Variants in CSMD1 observed in about 807,000 individuals in gnomAD.
CSMD1 encodes CUB and Sushi multiple domains 1, also known as CUB and sushi domain-containing protein 1.
A neutral mutation model predicts 417.5 loss-of-function variants in CSMD1; 213 were observed. The observed-to-expected ratio is 0.51, with a 90% CI of 0.46 to 0.57. CSMD1 has a LOEUF of 0.57. Ranked by LOEUF, CSMD1 falls within the 20% of genes least tolerant of loss-of-function variation. The pLI is 0.00. For missense variants in CSMD1, 6,923 were observed against 4,529.7 expected (o/e 1.53, Z -15.17); for synonymous variants, 2,862 against 1,736.8 (o/e 1.65, Z -16.11).
At chr8:3,383,189 A>C (rs1810749940) in intron 18 of CSMD1, among the ~76,000 whole-genome samples, 1 of 152,244 alleles carries the variant, frequency 6.6e-6, no homozygotes, top group Non-Finnish European at 1.5e-5. Context: ...AACAAGTTAT[A>C]GATCATGGTG....
At chr8:3,083,506 T>C (rs568334979) in intron 49 of CSMD1, among the ~76,000 whole-genome samples, 162 of 148,048 alleles carry the variant, frequency 1.1e-3, no homozygotes, top group Non-Finnish European at 1.7e-3. Flanking sequence ...AGGGTCCTAT[T>C]TGCACATCAG....
Position 3,709,709 on chromosome 8 carries a change from T to TC in CSMD1, c.932-1219dup, listed in dbSNP as rs1554518392. Among the ~76,000 whole-genome samples the TC allele has an allele frequency of 1.1e-4, 14 of 129,586 alleles. No homozygotes were observed. The South Asian group carries it at 2.5e-3, about 23-fold the overall frequency. The allele number at this position is 129,586 out of a possible 152,430, so 85.0% of individuals were successfully genotyped here. On this transcript the variant is annotated intron_variant, in intron 6 of 69. Transcript: ENST00000635120. ...TTTTTTTTTTTTTTTTTTTTTTTTT[T>TC]CCCTGCTTTCTGCTTTCTGACTGGA...
intron 6 of CSMD1, among the ~76,000 whole-genome samples, chr8:3,744,585 T>A (rs1471980485): frequency 6.6e-6 from 1 of 152,208 alleles, no homozygotes; most frequent in African/African-American, 2.4e-5. Context: ...AATGTAAATG[T>A]GGATGACTGT....
intron 1 of CSMD1, among the ~76,000 whole-genome samples, chr8:4,911,473 T>G (rs945062974): frequency 2.0e-5 from 3 of 152,170 alleles, no homozygotes; most frequent in Non-Finnish European, 4.4e-5. Flanking sequence ...AGGATGTGAT[T>G]AAGGTGTGGG....
rs148169357 is a variant in CSMD1 at position 3,771,692 on chromosome 8, A to G, written c.819-17650T>C. On this transcript the variant is annotated intron_variant, in intron 5 of 69. Coordinates refer to ENST00000635120, the MANE Select transcript of CSMD1 (RefSeq NM_033225.6). ...GGAGGAAGAGAACGGAGAGGCCCCT[A>G]AAGACCTCGAGGTAAAAGCAGACAA... Among the ~76,000 whole-genome samples the G allele has an allele frequency of 4.2e-3, 647 of 152,274 alleles. 2 individuals carry two copies. Among genetic ancestry groups the G allele is most frequent in the Non-Finnish European group, 7.3e-3 (496 of 68,016 alleles).
intron 3 of CSMD1, among the ~76,000 whole-genome samples, chr8:4,042,722 G>T (rs548316794): frequency 6.8e-6 from 1 of 147,880 alleles, no homozygotes; most frequent in African/African-American, 2.5e-5. Context: ...AGAAGTGACA[G>T]AAATGACAGC....
At position 4,599,549 on chromosome 8, in the gene CSMD1, CA is replaced by C. The variant is rs940577829; in HGVS notation, c.302+37792del. Among the ~76,000 whole-genome samples, 52 of 148,818 alleles carry C rather than the reference CA, an allele frequency of 3.5e-4. No individual in the cohort carries two copies. The East Asian group carries it at 4.1e-3, about 12-fold the overall frequency. Reference sequence around the variant, plus strand: ...ACTAAGTGCACAATATATAAAATTACAAAAAAAAATCTCATTGATAAGTTAC... The same window carrying C: ...ACTAAGTGCACAATATATAAAATTACAAAAAAAATCTCATTGATAAGTTAC... On this transcript the variant is annotated intron_variant, in intron 2 of 69. Transcript: ENST00000635120.
intron 5 of CSMD1, among the ~76,000 whole-genome samples, chr8:3,898,138 G>A (rs1584930917): frequency 6.6e-6 from 1 of 152,272 alleles, no homozygotes; most frequent in Non-Finnish European, 1.5e-5. Context: ...TCTACCAGCT[G>A]AGTCAAAGTG....
rs1801342135 is a variant in CSMD1 at position 4,102,230 on chromosome 8, C to T, written c.416-70131G>A. On this transcript the variant is annotated intron_variant, in intron 3 of 69. Coordinates refer to ENST00000635120, the MANE Select transcript of CSMD1 (RefSeq NM_033225.6). ...GTAATTTAGGACTCATGCCCCTTGC[C>T]CTTCTGTAATGTTTTGTTTTTAGAT... is the stretch of plus-strand genomic sequence containing the variant. Among the ~76,000 whole-genome samples the T allele has an allele frequency of 2.0e-5, 3 of 152,122 alleles. No individual in the cohort carries two copies. In the South Asian group the frequency reaches 6.2e-4, roughly 32 times the overall value.
intron 1 of CSMD1, among the ~76,000 whole-genome samples, chr8:4,769,943 A>G (rs1000442039): frequency 6.6e-6 from 1 of 152,176 alleles, no homozygotes; most frequent in Admixed American, 6.5e-5. Context: ...TAAGAACAAT[A>G]ACAAGTTATT....
At chr8:3,036,138 T>C (rs1309694974) in intron 50 of CSMD1, among the ~76,000 whole-genome samples, 3 of 152,230 alleles carry the variant, frequency 2.0e-5, no homozygotes, top group Non-Finnish European at 2.9e-5. Flanking sequence ...CAAAATACTT[T>C]GCATTTTACT....
intron 3 of CSMD1, among the ~76,000 whole-genome samples, chr8:4,359,975 C>G (rs10101622): frequency 0.26 from 39,960 of 152,094 alleles, 5,996 homozygotes; most frequent in African/African-American, 0.41. Context: ...TTAGGATGCT[C>G]AATTAGCCAA....
At chr8:4,554,328 G>T (rs765247058) in intron 2 of CSMD1, among the ~76,000 whole-genome samples, 1 of 151,892 alleles carries the variant, frequency 6.6e-6, no homozygotes, top group Non-Finnish European at 1.5e-5. Context: ...GTAGAGACAG[G>T]GTTTCACCAT....
At chr8:3,872,151 A>G (rs1805519953) in intron 5 of CSMD1, among the ~76,000 whole-genome samples, 1 of 152,130 alleles carries the variant, frequency 6.6e-6, no homozygotes, top group Admixed American at 6.6e-5. Context: ...ATGTTGTTTT[A>G]ACCCGTGTTT....
intron 7 of CSMD1, among the ~76,000 whole-genome samples, chr8:3,677,538 C>T (rs2117581202): frequency 6.6e-6 from 1 of 152,226 alleles, no homozygotes; most frequent in Non-Finnish European, 1.5e-5. Flanking sequence ...GGTGGCTGGG[C>T]TCAGCGAGAG....
intron 1 of CSMD1, among the ~76,000 whole-genome samples, chr8:4,976,158 G>A (rs1013286180): frequency 6.6e-6 from 1 of 152,150 alleles, no homozygotes; most frequent in Non-Finnish European, 1.5e-5. Flanking sequence ...GAATCCTAGA[G>A]GGAGCAGAGA....
chr8:4,240,616 C>G (rs1232027339), intron 3 of CSMD1, among the ~76,000 whole-genome samples: 5 of 152,180 alleles, frequency 3.3e-5, no homozygotes, highest in African/African-American at 7.2e-5. Flanking sequence ...CTGAGGATGG[C>G]TATCCAATCT....
chr8:4,204,615 G>A (rs1226028278), intron 3 of CSMD1, among the ~76,000 whole-genome samples: 2 of 152,132 alleles, frequency 1.3e-5, no homozygotes, highest in Non-Finnish European at 2.9e-5. Flanking sequence ...AAGTGTGTAA[G>A]GAGACAGTAG....
chr8:3,844,584 T>G (rs184291648), intron 5 of CSMD1, among the ~76,000 whole-genome samples: 2 of 152,138 alleles, frequency 1.3e-5, no homozygotes, highest in African/African-American at 2.4e-5. Flanking sequence ...TAGAGGCCAA[T>G]GTCATTTGAA....
Sources: allele counts gnomAD v4.1 joint callset (sites outside exome capture counted in the v4.1 genomes callset), GRCh38; gene constraint gnomAD v4.1.1; transcripts MANE v1.5; gene names NCBI Gene and HGNC (gene_info 2026-07-23, HGNC 2026-07-21).